Variants in TMEM132D observed in about 807,000 individuals in gnomAD.
The protein encoded by TMEM132D is transmembrane protein 132D, also known as mature OL transmembrane protein.
Under a neutral mutation model 62.3 loss-of-function variants are expected in TMEM132D, and 21 were observed. That is an observed-to-expected ratio of 0.34 (90% CI 0.24 to 0.49). TMEM132D has a LOEUF of 0.49. TMEM132D is among the 20% of genes least tolerant of loss of function. TMEM132D has a pLI of 0.99. For synonymous variants in TMEM132D, 621 were observed against 575.6 expected (o/e 1.08, Z -1.13); for missense variants, 1,346 against 1,402.8 (o/e 0.96, Z 0.65).
chr12:129,084,119 C>G (rs1409318577), intron 6 of TMEM132D, among the ~76,000 whole-genome samples: 2 of 152,186 alleles, frequency 1.3e-5, no homozygotes, highest in Non-Finnish European at 2.9e-5. Flanking sequence ...TGCACCTCTT[C>G]CTCTAGCTCC....
intron 3 of TMEM132D, among the ~76,000 whole-genome samples, chr12:129,443,548 G>A (rs1017981627): frequency 6.6e-6 from 1 of 152,076 alleles, no homozygotes; most frequent in African/African-American, 2.4e-5. Flanking sequence ...TGGACTTGTT[G>A]TCCCTGGCTC....
chr12:129,622,414 T>G (rs1160697259), intron 2 of TMEM132D, among the ~76,000 whole-genome samples: 1 of 152,132 alleles, frequency 6.6e-6, no homozygotes, highest in African/African-American at 2.4e-5. Context: ...TAATATATAA[T>G]GCAAGAAATT....
intron 4 of TMEM132D, among the ~76,000 whole-genome samples, chr12:129,306,021 AC>A (rs1881839026): frequency 6.6e-6 from 1 of 152,138 alleles, no homozygotes; most frequent in Non-Finnish European, 1.5e-5. Context: ...TCAGCAACTC[AC>A]CCACCAGCCA....
At chr12:129,243,507 C>G (rs968596578) in intron 4 of TMEM132D, among the ~76,000 whole-genome samples, 2 of 152,146 alleles carry the variant, frequency 1.3e-5, no homozygotes, top group Non-Finnish European at 2.9e-5. Context: ...TTAACCTTGT[C>G]CTATTCTTTA....
chr12:129,609,054 C>T (rs1878700533), intron 2 of TMEM132D, among the ~76,000 whole-genome samples: 1 of 151,912 alleles, frequency 6.6e-6, no homozygotes, highest in African/African-American at 2.4e-5. Context: ...GATTCTCCTG[C>T]CTCAGCCTCC....
At chr12:129,294,279 T>C (rs1441715219) in intron 4 of TMEM132D, among the ~76,000 whole-genome samples, 2 of 152,180 alleles carry the variant, frequency 1.3e-5, no homozygotes, top group African/African-American at 4.8e-5. Flanking sequence ...TGTCCCCTAA[T>C]CTGTAAAACA....
Position 129,277,600 on chromosome 12 carries a change from C to A in TMEM132D, c.1299+60034G>T, listed in dbSNP as rs929769150. 5.3e-5 allele frequency among the ~76,000 whole-genome samples: 8 copies of A among 152,176 alleles called. No homozygotes were observed. The highest frequency in any genetic ancestry group is 1.3e-4 in the Admixed American group (2 of 15,276). On this transcript the variant is annotated intron_variant, in intron 4 of 8. Transcript: ENST00000422113. The surrounding 1 kb of genome is among the most constrained non-coding windows in gnomAD (Gnocchi z 4.2). ...TATTTAAAAGTTGTGCTCAGTCATG[C>A]AAACCAAAGTTGCTCATTTAAAAAT...
intron 4 of TMEM132D, among the ~76,000 whole-genome samples, chr12:129,311,778 G>A (rs1240659605): frequency 6.6e-6 from 1 of 152,130 alleles, no homozygotes; most frequent in African/African-American, 2.4e-5. Context: ...TCAAGGCACA[G>A]GCCACCACTG....
At chr12:129,121,268 G>A (rs914269962) in intron 5 of TMEM132D, among the ~76,000 whole-genome samples, 3 of 152,020 alleles carry the variant, frequency 2.0e-5, no homozygotes, top group African/African-American at 7.2e-5. Context: ...GCTAATTTTT[G>A]TATTTTTAGT....
At position 129,658,742 on chromosome 12, in the gene TMEM132D, C is replaced by T. The variant is rs1565939554; in HGVS notation, c.968+41068G>A. ...ACTTGGTGCCTGCATTTACTTTACG[C>T]ATTCAACTATTAATTCAGAATGTAA... On this transcript the variant is annotated intron_variant, in intron 2 of 8. Coordinates refer to ENST00000422113, the MANE Select transcript of TMEM132D (RefSeq NM_133448.3). Among the ~76,000 whole-genome samples the T allele has an allele frequency of 3.9e-5, 6 of 152,190 alleles. No individual in the cohort carries two copies. The South Asian group carries it at 1.2e-3, about 32-fold the overall frequency.
intron 5 of TMEM132D, among the ~76,000 whole-genome samples, chr12:129,174,743 G>T (rs1877853028): frequency 1.3e-5 from 2 of 152,120 alleles, no homozygotes; most frequent in African/African-American, 2.4e-5. Flanking sequence ...AGCATCTATT[G>T]TTTCTTGACT....
intron 4 of TMEM132D, among the ~76,000 whole-genome samples, chr12:129,267,232 G>A (rs1025087879): frequency 3.9e-5 from 6 of 152,094 alleles, no homozygotes; most frequent in Non-Finnish European, 5.9e-5. Flanking sequence ...TAGGAAAAGA[G>A]GAAGTCAAAT....
At chr12:129,698,016 C>T (rs1039033670) in intron 2 of TMEM132D, among the ~76,000 whole-genome samples, 11 of 152,094 alleles carry the variant, frequency 7.2e-5, no homozygotes, top group African/African-American at 4.8e-5. Context: ...CAGTCGTTGG[C>T]GGACCTAAAA....
intron 1 of TMEM132D, among the ~76,000 whole-genome samples, chr12:129,898,286 C>A (rs999460587): frequency 2.6e-5 from 4 of 152,154 alleles, no homozygotes; most frequent in Admixed American, 1.3e-4. Flanking sequence ...TGAGCCCCTG[C>A]AATGTCCAAA....
intron 1 of TMEM132D, among the ~76,000 whole-genome samples, chr12:129,878,727 C>T (rs1218664056): frequency 1.3e-5 from 2 of 152,104 alleles, no homozygotes; most frequent in African/African-American, 4.8e-5. Flanking sequence ...CAGGCACCTG[C>T]CCAGCTAATT....
intron 2 of TMEM132D, among the ~76,000 whole-genome samples, chr12:129,645,502 A>AT (rs1435756692): frequency 1.3e-5 from 2 of 152,236 alleles, no homozygotes; most frequent in African/African-American, 4.8e-5. Context: ...TATGTCGGTG[A>AT]TTTTTCAGAG....
intron 4 of TMEM132D, among the ~76,000 whole-genome samples, chr12:129,319,572 T>A (rs1459191501): frequency 1.3e-5 from 2 of 152,124 alleles, no homozygotes; most frequent in Non-Finnish European, 2.9e-5. Context: ...TAGATGATAT[T>A]TAAAGCCACA....
chr12:129,693,667 G>A (rs929816018), intron 2 of TMEM132D, among the ~76,000 whole-genome samples: 1 of 152,144 alleles, frequency 6.6e-6, no homozygotes, highest in Non-Finnish European at 1.5e-5. Context: ...CTCCCCATTA[G>A]CACTGTAGTC....
intron 1 of TMEM132D, among the ~76,000 whole-genome samples, chr12:129,701,174 T>C (rs1881377171): frequency 6.6e-6 from 1 of 152,152 alleles, no homozygotes; most frequent in African/African-American, 2.4e-5. Flanking sequence ...ACGTCCACAT[T>C]CCACCTGATA....
Sources: gnomAD v4.1 joint callset for allele counts (sites outside exome capture counted in the v4.1 genomes callset) on GRCh38, gnomAD v4.1.1 for gene constraint, Gnocchi (gnomAD v3.1) non-coding constraint, MANE v1.5 for transcripts, NCBI Gene and HGNC (gene_info 2026-07-23, HGNC 2026-07-21) for gene names.